Variants in GLRX3 observed in about 807,000 individuals in gnomAD.
The protein encoded by GLRX3 is glutaredoxin 3.
A neutral mutation model predicts 49.5 loss-of-function variants in GLRX3; 22 were observed. That is an observed-to-expected ratio of 0.44 (90% CI 0.32 to 0.63). GLRX3 has a LOEUF of 0.63. Ranked by LOEUF, GLRX3 falls within the 30% of genes least tolerant of loss-of-function variation. GLRX3 has a pLI of 0.05. For missense variants in GLRX3, 385 were observed against 396.3 expected (o/e 0.97, Z 0.24); for synonymous variants, 133 against 140.0 (o/e 0.95, Z 0.35).
rs775101307 is a variant in GLRX3 at position 130,148,272 on chromosome 10, A to G, written c.201+2953A>G. Among the ~76,000 whole-genome samples the G allele has an allele frequency of 1.9e-4, 29 of 151,916 alleles. 1 individual carries two copies. The highest frequency in any genetic ancestry group is 3.4e-4 in the Non-Finnish European group (23 of 67,972). On this transcript the variant is annotated intron_variant, in intron 2 of 10. Coordinates refer to ENST00000331244, the MANE Select transcript of GLRX3 (RefSeq NM_006541.5). The stretch of plus-strand genomic sequence containing the variant: ...CTTAGCCTCCCGAATAGCTGGGACT[A>G]TAGGTGTACACCCCTGCCCAGCTAA...
chr10:130,143,998 C>G (rs952068613), intron 1 of GLRX3, among the ~76,000 whole-genome samples: 1 of 152,006 alleles, frequency 6.6e-6, no homozygotes, highest in Non-Finnish European at 1.5e-5. Flanking sequence ...TGCTCTGGGT[C>G]TAGAAAAATC....
chr10:130,160,097 A>T (rs774279940), intron 3 of GLRX3, 28 bp downstream of exon 3: 2 of 1,390,152 alleles, frequency 1.4e-6, no homozygotes, highest in Non-Finnish European at 1.0e-6. Flanking sequence ...ACAAGAGATT[A>T]TCCATTTGTA....
At position 130,176,588 on chromosome 10, in the gene GLRX3, G is replaced by T. The variant is rs1862924647; in HGVS notation, c.957+1499G>T. On this transcript the variant is annotated intron_variant, in intron 10 of 10. Transcript: ENST00000331244. ...CCTCTGTGTAGGTTTTGTTTCCTGT[G>T]GAGTTCCAGGTTTGATATCATACTT... 2.6e-5 allele frequency among the ~76,000 whole-genome samples: 4 copies of T among 152,190 alleles called. No individual in the cohort carries two copies. In the South Asian group the frequency reaches 8.3e-4, roughly 32 times the overall value.
intron 2 of GLRX3, among the ~76,000 whole-genome samples, chr10:130,149,634 T>A (rs537001096): frequency 1.3e-5 from 2 of 152,106 alleles, no homozygotes; most frequent in Admixed American, 1.3e-4. Flanking sequence ...TTGTTTGATA[T>A]AATCTTCCAA....
chr10:130,139,596 C>G (rs1012291156), intron 1 of GLRX3, among the ~76,000 whole-genome samples: 1 of 147,544 alleles, frequency 6.8e-6, no homozygotes, highest in African/African-American at 2.5e-5. Context: ...GAGCCAAGAT[C>G]GTGGCACTGC....
rs1554954458 is a variant in GLRX3 at position 130,138,868 on chromosome 10, T to TTTG, written c.92+2356_92+2357insTTG. On this transcript the variant is annotated intron_variant, in intron 1 of 10. Coordinates refer to ENST00000331244, the MANE Select transcript of GLRX3 (RefSeq NM_006541.5). ...AAGTGTTTTTTTTTTTTTTTTTTTT[T>TTTG]GGGGGGGAGACAGAGTCTCTCTCTG... Among the ~76,000 whole-genome samples, 8 of 144,014 alleles carry TTTG rather than the reference T, an allele frequency of 5.6e-5. No homozygotes were observed. The East Asian group carries it at 6.0e-4, about 11-fold the overall frequency. 94.5% of individuals were successfully genotyped at this position (144,014 alleles called of 152,430 possible).
At chr10:130,161,071 T>C (rs965033469) in intron 4 of GLRX3, 74 bp downstream of exon 4, 7 of 983,568 alleles carry the variant, frequency 7.1e-6, no homozygotes, top group Admixed American at 1.7e-5. Context: ...GAGATGGGCA[T>C]CCTGTTTCCA....
At chr10:130,162,103 G>A (rs1445135212) in intron 4 of GLRX3, among the ~76,000 whole-genome samples, 9 of 152,106 alleles carry the variant, frequency 5.9e-5, no homozygotes, top group Admixed American at 3.3e-4. Context: ...TCAGCCTCCC[G>A]AGTAGCTGGG....
chr10:130,153,168 C>G (rs1433823296), intron 2 of GLRX3, among the ~76,000 whole-genome samples: 1 of 152,140 alleles, frequency 6.6e-6, no homozygotes, highest in Non-Finnish European at 1.5e-5. Context: ...CATTTAAGCT[C>G]TTCTCTACAT....
chr10:130,168,588 G>T (rs769326121), intron 6 of GLRX3, among the ~76,000 whole-genome samples: 2 of 152,226 alleles, frequency 1.3e-5, no homozygotes, highest in Non-Finnish European at 2.9e-5. Context: ...GTGACCACAG[G>T]CGTCCGCCAC....
At chr10:130,157,782 T>A (rs1243658633) in intron 2 of GLRX3, among the ~76,000 whole-genome samples, 2 of 152,128 alleles carry the variant, frequency 1.3e-5, no homozygotes, top group Non-Finnish European at 2.9e-5. Context: ...GGCCTTCTCA[T>A]GGTTTATGGC....
intron 6 of GLRX3, among the ~76,000 whole-genome samples, chr10:130,167,861 T>A (rs1312518522): frequency 6.6e-6 from 1 of 152,242 alleles, no homozygotes; most frequent in African/African-American, 2.4e-5. Context: ...TACCATTTCC[T>A]GTGTTCTTCA....
chr10:130,158,862 T>C (rs1036380458), intron 2 of GLRX3, among the ~76,000 whole-genome samples: 22 of 152,178 alleles, frequency 1.4e-4, no homozygotes, highest in Non-Finnish European at 2.8e-4. Context: ...ATTAAAAATA[T>C]TGTTGCAAAA....
chr10:130,149,161 C>T (rs956564118), intron 2 of GLRX3, among the ~76,000 whole-genome samples: 12 of 152,136 alleles, frequency 7.9e-5, no homozygotes, highest in African/African-American at 2.9e-4. Context: ...GTGGGCTCTT[C>T]TGGGCTCCGT....
chr10:130,169,402 G>T, intron 6 of GLRX3, 31 bp from the exon 7 acceptor site: 3 of 1,462,370 alleles, frequency 2.1e-6, no homozygotes, highest in Middle Eastern at 3.5e-4. Context: ...TAATTGAGCT[G>T]AGCCGTTTTA....
At chr10:130,143,568 GC>G (rs1862214148) in intron 1 of GLRX3, among the ~76,000 whole-genome samples, 1 of 151,592 alleles carries the variant, frequency 6.6e-6, no homozygotes, top group African/African-American at 2.4e-5. Context: ...TTGCTCTGTT[GC>G]CCACACTGGA....
At chr10:130,145,464 A>C (rs1053834731) in intron 2 of GLRX3, 145 bp downstream of exon 2, 2 of 487,156 alleles carry the variant, frequency 4.1e-6, no homozygotes, top group African/African-American at 3.9e-5. Context: ...GTAGTTTGAG[A>C]CCAGCCCAGC....
chr10:130,146,144 T>C (rs1862266708), intron 2 of GLRX3, among the ~76,000 whole-genome samples: 1 of 152,206 alleles, frequency 6.6e-6, no homozygotes, highest in African/African-American at 2.4e-5. Context: ...CTACCAAATG[T>C]CAAGGTGGCT....
chr10:130,140,188 T>C (rs562105607), intron 1 of GLRX3, among the ~76,000 whole-genome samples: 1 of 152,320 alleles, frequency 6.6e-6, no homozygotes, highest in South Asian at 2.1e-4. Flanking sequence ...TGCAGATGAA[T>C]GTAGTAGCAG....
Sources: gnomAD v4.1 joint callset for allele counts (sites outside exome capture counted in the v4.1 genomes callset) on GRCh38, gnomAD v4.1.1 for gene constraint, MANE v1.5 for transcripts, NCBI Gene and HGNC (gene_info 2026-07-23, HGNC 2026-07-21) for gene names.